The following FSIP1 variants were observed in gnomAD, a reference collection of about 807,000 sequenced individuals.
The protein encoded by FSIP1 is fibrous sheath interacting protein 1, also known as fibrous sheath-interacting protein 1.
A neutral mutation model predicts 60.9 loss-of-function variants in FSIP1; 65 were observed. The observed-to-expected ratio is 1.07, with a 90% CI of 0.87 to 1.31. The LOEUF is 1.31. Among genes scored for constraint, FSIP1 ranks in the 40% most tolerant of loss-of-function variants. The pLI, the probability that FSIP1 is intolerant of heterozygous loss-of-function variation, is 0.00. For synonymous variants in FSIP1, 209 were observed against 221.2 expected (o/e 0.94, Z 0.49); for missense variants, 675 against 665.5 (o/e 1.01, Z -0.16).
chr15:39,722,935 GA>G (rs113496837), intron 9 of FSIP1, among the ~76,000 whole-genome samples: 114 of 140,306 alleles, frequency 8.1e-4, no homozygotes, highest in African/African-American at 1.4e-3. Flanking sequence ...GTCTCTTGAA[GA>G]AAAAAAAAAA....
At chr15:39,715,896 A>G (rs1236717576) in intron 9 of FSIP1, among the ~76,000 whole-genome samples, 2 of 152,134 alleles carry the variant, frequency 1.3e-5, no homozygotes, top group African/African-American at 4.8e-5. Context: ...CCATGTAAGA[A>G]GTGCCTGCTT....
At chr15:39,717,136 G>A (rs1895773561) in intron 9 of FSIP1, among the ~76,000 whole-genome samples, 1 of 152,088 alleles carries the variant, frequency 6.6e-6, no homozygotes, top group Non-Finnish European at 1.5e-5. Context: ...AAAGTTAAAT[G>A]TTTGTCGATC....
intron 10 of FSIP1, among the ~76,000 whole-genome samples, chr15:39,626,402 C>G (rs958643914): frequency 6.6e-6 from 1 of 152,150 alleles, no homozygotes; most frequent in East Asian, 1.9e-4. Context: ...AACCCTCCAC[C>G]TTGTACTGGT....
chr15:39,697,564 G>C (rs1413102714), intron 10 of FSIP1, among the ~76,000 whole-genome samples: 1 of 152,164 alleles, frequency 6.6e-6, no homozygotes, highest in African/African-American at 2.4e-5. Context: ...CAGCATATAA[G>C]AATGAAGTAA....
At chr15:39,667,416 C>T (rs931912275) in intron 10 of FSIP1, among the ~76,000 whole-genome samples, 3 of 152,126 alleles carry the variant, frequency 2.0e-5, no homozygotes, top group African/African-American at 7.2e-5. Context: ...CTCTGTCTAT[C>T]CTTAGATGCC....
chr15:39,691,665 G>A (rs1409839221), intron 10 of FSIP1, among the ~76,000 whole-genome samples: 2 of 152,216 alleles, frequency 1.3e-5, no homozygotes, highest in African/African-American at 4.8e-5. Context: ...GAAGGGGACT[G>A]TTTGATGGGT....
intron 10 of FSIP1, among the ~76,000 whole-genome samples, chr15:39,684,985 C>T (rs75110365): frequency 0.021 from 3,177 of 152,286 alleles, 48 homozygotes; most frequent in Middle Eastern, 0.037. Flanking sequence ...GTACTTGCCT[C>T]AGTACTGCCT....
chr15:39,645,884 T>C (rs7170335), intron 10 of FSIP1, among the ~76,000 whole-genome samples: 65,900 of 151,868 alleles, frequency 0.43, 16,247 homozygotes, highest in African/African-American at 0.69. Context: ...GAGTCCGGGG[T>C]GGAAGGGGGC....
intron 10 of FSIP1, among the ~76,000 whole-genome samples, chr15:39,680,648 GA>G (rs1894125224): frequency 6.6e-6 from 1 of 152,190 alleles, no homozygotes; most frequent in Non-Finnish European, 1.5e-5. Context: ...GGTAACTGTA[GA>G]ACCACAGTCA....
intron 9 of FSIP1, among the ~76,000 whole-genome samples, chr15:39,726,128 A>G (rs1243723679): frequency 6.6e-6 from 1 of 152,194 alleles, no homozygotes; most frequent in Non-Finnish European, 1.5e-5. Flanking sequence ...TGAGAGAAGA[A>G]ACACATTCAT....
intron 10 of FSIP1, among the ~76,000 whole-genome samples, chr15:39,657,828 A>C (rs985475341): frequency 6.6e-6 from 1 of 152,188 alleles, no homozygotes; most frequent in Admixed American, 6.5e-5. Context: ...GATGTCAAAA[A>C]TCATGAATTC....
Position 39,737,697 on chromosome 15 carries a change from AG to A in FSIP1, c.891+393del, listed in dbSNP as rs1395046428. On this transcript the variant is annotated intron_variant, in intron 8 of 11. Transcript: ENST00000350221. ...ATTTTAACTTGTATTTTAAGTTCAG[AG>A]GTACATGTGCAGGTTTGTTATACAG... Among the ~76,000 whole-genome samples the A allele has an allele frequency of 2.0e-5, 3 of 152,176 alleles. No homozygotes were observed. The East Asian group carries it at 5.8e-4, about 29-fold the overall frequency.
At chr15:39,734,511 A>C (rs951374854) in intron 8 of FSIP1, among the ~76,000 whole-genome samples, 1 of 152,214 alleles carries the variant, frequency 6.6e-6, no homozygotes, top group Non-Finnish European at 1.5e-5. Flanking sequence ...CCTGGAGGAA[A>C]GAAAATGAAA....
rs115538524 is a variant in FSIP1, at chr15:39,633,384, G to A, written c.1189-15139C>T. On this transcript the variant is annotated intron_variant, in intron 10 of 11. Coordinates refer to ENST00000350221, the MANE Select transcript of FSIP1 (RefSeq NM_152597.5). ...ATTACAGGTGTGAGCCACTGCACTCGGCCTGGCTATACTTTTTAAATGTCC... is the reference window on the plus strand; with the variant it reads ...ATTACAGGTGTGAGCCACTGCACTCAGCCTGGCTATACTTTTTAAATGTCC... Among the ~76,000 whole-genome samples, 674 of 152,008 alleles carry A rather than the reference G, an allele frequency of 4.4e-3. 7 individuals are homozygous for A. The highest frequency in any genetic ancestry group is 0.015 in the African/African-American group (635 of 41,470).
chr15:39,645,913 C>T (rs1177317513), intron 10 of FSIP1, among the ~76,000 whole-genome samples: 3 of 152,222 alleles, frequency 2.0e-5, no homozygotes, highest in Non-Finnish European at 4.4e-5. Flanking sequence ...CAGTAAGGCC[C>T]CACTTTCAGG....
intron 10 of FSIP1, among the ~76,000 whole-genome samples, chr15:39,665,676 T>C (rs1041657072): frequency 6.6e-6 from 1 of 152,180 alleles, no homozygotes; most frequent in African/African-American, 2.4e-5. Flanking sequence ...GATTTCAAGA[T>C]TTTTATTATT....
chr15:39,662,280 A>G (rs919319453), intron 10 of FSIP1, among the ~76,000 whole-genome samples: 2 of 152,128 alleles, frequency 1.3e-5, no homozygotes, highest in African/African-American at 4.8e-5. Flanking sequence ...AGGAGTCTAG[A>G]TGTGCCATAC....
intron 10 of FSIP1, among the ~76,000 whole-genome samples, chr15:39,672,029 GGAAGAGATAAA>G (rs1893740966): frequency 6.6e-6 from 1 of 152,154 alleles, no homozygotes; most frequent in African/African-American, 2.4e-5. Flanking sequence ...AGAAAATATA[GGAAGAGATAAA>G]GACCTGGGGG....
intron 10 of FSIP1, among the ~76,000 whole-genome samples, chr15:39,704,869 A>G (rs1437589457): frequency 2.0e-5 from 3 of 152,226 alleles, no homozygotes; most frequent in African/African-American, 7.2e-5. Context: ...CCACATTCTT[A>G]TCCTCAATGC....
Sources: allele counts gnomAD v4.1 joint callset (sites outside exome capture counted in the v4.1 genomes callset), GRCh38; gene constraint gnomAD v4.1.1; transcripts MANE v1.5; gene names NCBI Gene and HGNC (gene_info 2026-07-23, HGNC 2026-07-21).